TBC1D22A: variants seen among roughly 807,000 people sequenced by gnomAD.
TBC1D22A encodes TBC1 domain family member 22A.
Under a neutral mutation model 60.2 loss-of-function variants are expected in TBC1D22A, and 38 were observed. That is an observed-to-expected ratio of 0.63 (90% CI 0.49 to 0.83). The LOEUF is 0.83. Ranked by LOEUF, TBC1D22A falls within the 40% of genes least tolerant of loss-of-function variation. The probability of loss-of-function intolerance (pLI) is 0.00; values close to 1 mark genes in which losing one functional copy is unlikely to be tolerated. For missense variants in TBC1D22A, 628 were observed against 701.0 expected (o/e 0.90, Z 1.18); for synonymous variants, 302 against 281.7 (o/e 1.07, Z -0.72).
rs575724475 is a variant in TBC1D22A, at chr22:47,132,919, G to A, written c.1425+21316G>A. ...GAACCAGGGCCTTGAACTCCCTGGG[G>A]TGGACATGGAGTTCATTTGGAGATT... On this transcript the variant is annotated intron_variant, in intron 12 of 12. Coordinates refer to ENST00000337137, the MANE Select transcript of TBC1D22A (RefSeq NM_014346.5). Among the ~76,000 whole-genome samples, 20 of 152,166 alleles carry A rather than the reference G, an allele frequency of 1.3e-4. No homozygotes were observed. The East Asian group carries it at 3.7e-3, about 28-fold the overall frequency.
chr22:47,130,377 C>T (rs918796104), intron 12 of TBC1D22A, among the ~76,000 whole-genome samples: 14 of 152,180 alleles, frequency 9.2e-5, no homozygotes, highest in Admixed American at 7.2e-4. Flanking sequence ...TCACTGTCTT[C>T]CTTGTCCGGT....
intron 8 of TBC1D22A, among the ~76,000 whole-genome samples, chr22:46,971,204 C>T (rs1308471723): frequency 2.0e-5 from 3 of 152,190 alleles, no homozygotes; most frequent in Non-Finnish European, 2.9e-5. Context: ...GACATTTCCT[C>T]AGATAAAATA....
intron 8 of TBC1D22A, among the ~76,000 whole-genome samples, chr22:46,946,246 G>A (rs972047378): frequency 2.0e-5 from 3 of 152,200 alleles, no homozygotes; most frequent in Non-Finnish European, 4.4e-5. Flanking sequence ...GGGCCTGTGT[G>A]GCTGAACTGA....
At chr22:46,895,981 C>T (rs2068655187) in intron 7 of TBC1D22A, among the ~76,000 whole-genome samples, 1 of 152,200 alleles carries the variant, frequency 6.6e-6, no homozygotes, top group African/African-American at 2.4e-5. Context: ...ATAAACTGTC[C>T]TCTGCAGCGT....
At chr22:46,878,347 AAG>A in intron 4 of TBC1D22A, among the ~76,000 whole-genome samples, 1 of 11,522 alleles carries the variant, frequency 8.7e-5, no homozygotes, top group Non-Finnish European at 2.0e-4. Context: ...GGTGGGAGGG[AAG>A]GAGGCCAGTG....
At chr22:47,078,000 C>T (rs529691875) in intron 11 of TBC1D22A, among the ~76,000 whole-genome samples, 1 of 152,298 alleles carries the variant, frequency 6.6e-6, no homozygotes, top group East Asian at 1.9e-4. Context: ...CCTTGCCTTG[C>T]CCAGCAGCAT....
intron 9 of TBC1D22A, among the ~76,000 whole-genome samples, chr22:46,980,541 C>G (rs1177595128): frequency 6.6e-6 from 1 of 152,140 alleles, no homozygotes; most frequent in African/African-American, 2.4e-5. Context: ...ATTAGAGTCA[C>G]TGAAATTTAA....
intron 11 of TBC1D22A, among the ~76,000 whole-genome samples, chr22:47,091,267 GCTGC>G (rs1355279379): frequency 2.5e-5 from 3 of 119,432 alleles, no homozygotes; most frequent in African/African-American, 6.9e-5. Flanking sequence ...AGAGGTTGTG[GCTGC>G]TTGTTGATAG....
At chr22:47,132,525 T>C (rs2066713164) in intron 12 of TBC1D22A, among the ~76,000 whole-genome samples, 1 of 145,958 alleles carries the variant, frequency 6.9e-6, no homozygotes, top group Non-Finnish European at 1.6e-5. Context: ...CCCGCCCTGC[T>C]GTCTCTGGCC....
At chr22:46,962,324 T>C (rs1299626505) in intron 8 of TBC1D22A, among the ~76,000 whole-genome samples, 2 of 152,158 alleles carry the variant, frequency 1.3e-5, no homozygotes. Flanking sequence ...GAGAAGTTTT[T>C]ACCTTGCCAG....
intron 12 of TBC1D22A, among the ~76,000 whole-genome samples, chr22:47,148,874 A>ACCT (rs917024726): frequency 1.3e-5 from 2 of 151,138 alleles, no homozygotes; most frequent in African/African-American, 2.4e-5. Context: ...CAGCCTTGCC[A>ACCT]CCTCCTGGCT....
Position 47,045,619 on chromosome 22 carries a change from G to A in TBC1D22A, c.1329+8421G>A, listed in dbSNP as rs142163263. On this transcript the variant is annotated intron_variant, in intron 11 of 12. Coordinates refer to ENST00000337137, the MANE Select transcript of TBC1D22A (RefSeq NM_014346.5). ...CGGGCAGTGTTGTTAGCGGGTTAGC[G>A]TTTTGATGACTCTTTTCTCCCATTG... Among the ~76,000 whole-genome samples, 74 of 152,282 alleles carry A rather than the reference G, an allele frequency of 4.9e-4. No individual in the cohort carries two copies. In the East Asian group the frequency reaches 0.013, roughly 27 times the overall value.
At chr22:46,910,481 C>T (rs888144842) in intron 7 of TBC1D22A, among the ~76,000 whole-genome samples, 2 of 152,224 alleles carry the variant, frequency 1.3e-5, no homozygotes, top group Middle Eastern at 3.4e-3. Context: ...TGTATGGCAG[C>T]GATGTAATTC....
intron 5 of TBC1D22A, among the ~76,000 whole-genome samples, chr22:46,880,277 G>T (rs2067786457): frequency 1.3e-5 from 2 of 152,138 alleles, no homozygotes; most frequent in Admixed American, 1.3e-4. Flanking sequence ...TACACGAATG[G>T]TTACATTCTT....
In TBC1D22A at chr22:47,174,541, A is replaced by C. The variant is rs2068607253; in HGVS notation, c.*915A>C. 2 of 152,202 alleles carry C rather than the reference A, an allele frequency of 1.3e-5. No homozygotes were observed. The highest frequency in any genetic ancestry group is 1.3e-4 in the Admixed American group (2 of 15,282). The allele number at this position is 152,202 out of a possible 1,614,324, so 9.4% of individuals were successfully genotyped here. ...GCCTGGAAGCGGAATGAGCTTTTGG[A>C]GACTTCCTGGGACTTGCTGTCCTTG... On this transcript the variant is annotated 3_prime_UTR_variant, in exon 13 of 13. Transcript: ENST00000337137.
rs552670186 is a variant in TBC1D22A, at chr22:47,057,931, G to A, written c.1329+20733G>A. Reference sequence around the variant, plus strand: ...TTGTAAAGGGACCTGCTGGGCAGTTGATGGGTGAAGATCCTGGGCTTGTGG... The same window carrying A: ...TTGTAAAGGGACCTGCTGGGCAGTTAATGGGTGAAGATCCTGGGCTTGTGG... On this transcript the variant is annotated intron_variant, in intron 11 of 12. Transcript: ENST00000337137. Among the ~76,000 whole-genome samples the A allele has an allele frequency of 2.3e-4, 35 of 152,344 alleles. No individual in the cohort carries two copies. The South Asian group carries it at 7.2e-3, about 32-fold the overall frequency.
chr22:47,026,781 G>A (rs1171325716), intron 10 of TBC1D22A, among the ~76,000 whole-genome samples: 1 of 152,184 alleles, frequency 6.6e-6, no homozygotes, highest in Non-Finnish European at 1.5e-5. Flanking sequence ...TCAGAGATCA[G>A]AAGACTCAAG....
chr22:47,040,333 G>A (rs1015976782), intron 11 of TBC1D22A, among the ~76,000 whole-genome samples: 3 of 152,104 alleles, frequency 2.0e-5, no homozygotes, highest in African/African-American at 7.2e-5. Flanking sequence ...TAAACCACTC[G>A]GGAGAGTCTG....
chr22:46,863,441 GA>G (rs1178392780), intron 4 of TBC1D22A, among the ~76,000 whole-genome samples: 1 of 152,220 alleles, frequency 6.6e-6, no homozygotes, highest in Non-Finnish European at 1.5e-5. Flanking sequence ...CCAAGGGACA[GA>G]AGCCACCAGA....
Sources: allele counts gnomAD v4.1 joint callset (sites outside exome capture counted in the v4.1 genomes callset), GRCh38; gene constraint gnomAD v4.1.1; transcripts MANE v1.5; gene names NCBI Gene and HGNC (gene_info 2026-07-23, HGNC 2026-07-21).